TMEM117: variants seen among roughly 807,000 people sequenced by gnomAD.
TMEM117 encodes the protein transmembrane protein 117.
TMEM117 carries 27 observed loss-of-function variants against 52.4 expected under a neutral mutation model. The ratio of observed to expected loss-of-function variants is 0.51; its 90% CI spans 0.38 to 0.71. TMEM117 has a LOEUF of 0.71. Ranked by LOEUF, TMEM117 falls within the 30% of genes least tolerant of loss-of-function variation. TMEM117 has a pLI of 0.00. For missense variants in TMEM117, 556 were observed against 630.5 expected (o/e 0.88, Z 1.26); for synonymous variants, 215 against 206.3 (o/e 1.04, Z -0.36).
At chr12:44,182,286 C>G (rs531347312) in intron 4 of TMEM117, among the ~76,000 whole-genome samples, 1 of 152,242 alleles carries the variant, frequency 6.6e-6, no homozygotes, top group South Asian at 2.1e-4. Flanking sequence ...GATATACAAT[C>G]ATGTCATCTG....
chr12:44,166,372 A>G (rs895327360), intron 4 of TMEM117, among the ~76,000 whole-genome samples: 7 of 152,206 alleles, frequency 4.6e-5, no homozygotes, highest in African/African-American at 1.7e-4. Flanking sequence ...AGTTGAGTTA[A>G]TTAAAAAGGT....
intron 3 of TMEM117, among the ~76,000 whole-genome samples, chr12:43,975,320 G>A (rs912339778): frequency 6.6e-6 from 1 of 152,094 alleles, no homozygotes; most frequent in Non-Finnish European, 1.5e-5. Flanking sequence ...TGGTTTTGGG[G>A]TCAGACTCTG....
chr12:43,804,194 T>C, the TMEM117 span: 1 of 454,272 alleles, frequency 2.2e-6, no homozygotes, highest in Non-Finnish European at 4.3e-6. Flanking sequence ...TGATTTCCAT[T>C]CCAGAGATGG....
intron 2 of TMEM117, among the ~76,000 whole-genome samples, chr12:43,865,799 A>T (rs2137412352): frequency 6.6e-6 from 1 of 152,008 alleles, no homozygotes; most frequent in South Asian, 2.1e-4. Flanking sequence ...GTAATTTTAA[A>T]TTTAATTTAA....
At chr12:44,211,465 C>A in intron 5 of TMEM117, 78 bp downstream of exon 5, 3 of 1,002,922 alleles carry the variant, frequency 3.0e-6, no homozygotes, top group Non-Finnish European at 3.0e-6. Context: ...ATTTTCCTTA[C>A]AATTATAGAA....
intron 4 of TMEM117, among the ~76,000 whole-genome samples, chr12:44,185,323 C>T (rs1267045394): frequency 6.6e-6 from 1 of 152,038 alleles, no homozygotes; most frequent in Admixed American, 6.6e-5. Context: ...TCAAAATGTT[C>T]CATCACGAAA....
intron 3 of TMEM117, among the ~76,000 whole-genome samples, chr12:44,086,612 A>G (rs1947571351): frequency 2.0e-5 from 3 of 152,066 alleles, no homozygotes; most frequent in Admixed American, 2.0e-4. Context: ...GTTTCTATTC[A>G]AATCCAGACC....
chr12:44,129,220 T>C (rs555916327), intron 3 of TMEM117, among the ~76,000 whole-genome samples: 3 of 152,336 alleles, frequency 2.0e-5, no homozygotes, highest in African/African-American at 7.2e-5. Flanking sequence ...TACTGGGGGC[T>C]GAAAACAGCT....
the TMEM117 span, among the ~76,000 whole-genome samples, chr12:43,805,241 A>G: frequency 6.6e-6 from 1 of 152,190 alleles, no homozygotes; most frequent in Non-Finnish European, 1.5e-5. Context: ...AGTGCTTGCT[A>G]TAAGGCTCAA....
At chr12:44,253,349 G>C (rs556488245) in intron 5 of TMEM117, among the ~76,000 whole-genome samples, 12 of 152,148 alleles carry the variant, frequency 7.9e-5, no homozygotes, top group Non-Finnish European at 1.5e-4. Flanking sequence ...TCAGGATGAT[G>C]AACTTAAAAT....
chr12:44,066,861 A>T (rs1947228439), intron 3 of TMEM117, among the ~76,000 whole-genome samples: 1 of 152,182 alleles, frequency 6.6e-6, no homozygotes. Context: ...GCTTCTTTTC[A>T]TGAAAGACTT....
intron 2 of TMEM117, among the ~76,000 whole-genome samples, chr12:43,896,749 T>C (rs1944210223): frequency 6.6e-6 from 1 of 152,206 alleles, no homozygotes; most frequent in Non-Finnish European, 1.5e-5. Flanking sequence ...TACAGTTGAC[T>C]GGATAGGAAT....
At chr12:44,194,525 G>A (rs1401273256) in intron 4 of TMEM117, among the ~76,000 whole-genome samples, 3 of 152,096 alleles carry the variant, frequency 2.0e-5, no homozygotes, top group African/African-American at 7.2e-5. Context: ...CTCAGGGCTG[G>A]GTGTGGTATA....
chr12:44,375,973 A>G (rs895914537), intron 6 of TMEM117, among the ~76,000 whole-genome samples: 1 of 152,210 alleles, frequency 6.6e-6, no homozygotes, highest in Admixed American at 6.5e-5. Flanking sequence ...ATCTAATGAC[A>G]TGGAATTAAT....
At chr12:43,969,936 A>G (rs1479444322) in intron 3 of TMEM117, among the ~76,000 whole-genome samples, 1 of 152,082 alleles carries the variant, frequency 6.6e-6, no homozygotes, top group Non-Finnish European at 1.5e-5. Context: ...CCTTATCCCC[A>G]GTTTTTCTTT....
At chr12:44,361,265 G>C (rs922988626) in intron 6 of TMEM117, among the ~76,000 whole-genome samples, 1 of 152,150 alleles carries the variant, frequency 6.6e-6, no homozygotes, top group African/African-American at 2.4e-5. Context: ...GTAATACAGT[G>C]ATGAGCTACA....
intron 3 of TMEM117, among the ~76,000 whole-genome samples, chr12:44,060,351 A>G (rs997129859): frequency 3.3e-5 from 5 of 152,178 alleles, no homozygotes; most frequent in African/African-American, 1.2e-4. Context: ...GAACAGGTGG[A>G]ATTTGTCTAG....
At chr12:44,098,688 A>T (rs1409638534) in intron 3 of TMEM117, among the ~76,000 whole-genome samples, 1 of 152,060 alleles carries the variant, frequency 6.6e-6, no homozygotes, top group Non-Finnish European at 1.5e-5. Flanking sequence ...CAGATCCTAT[A>T]CTATCATAAC....
intron 3 of TMEM117, among the ~76,000 whole-genome samples, chr12:44,018,599 A>G (rs534776588): frequency 6.6e-6 from 1 of 152,318 alleles, no homozygotes; most frequent in South Asian, 2.1e-4. Flanking sequence ...GACTTCTGCT[A>G]TTATGAATTC....
Sources: allele counts gnomAD v4.1 joint callset (sites outside exome capture counted in the v4.1 genomes callset), GRCh38; gene constraint gnomAD v4.1.1; transcripts MANE v1.5; gene names NCBI Gene and HGNC (gene_info 2026-07-23, HGNC 2026-07-21).